FASN: variants seen among roughly 807,000 people sequenced by gnomAD.
The protein encoded by FASN is fatty acid synthase.
Under a neutral mutation model 250.0 loss-of-function variants are expected in FASN, and 50 were observed. The observed-to-expected ratio is 0.20, with a 90% CI of 0.16 to 0.25. FASN has a LOEUF of 0.25. Among genes scored for constraint, FASN ranks in the 10% least tolerant of loss-of-function variants. The pLI, the probability that FASN is intolerant of heterozygous loss-of-function variation, is 1.00. For synonymous variants in FASN, 1,909 were observed against 1,584.0 expected, an observed-to-expected ratio of 1.21 and a Z score of -4.87; for missense variants, 3,031 against 3,498.5, an observed-to-expected ratio of 0.87 and a Z score of 3.37.
chr17:82,089,440 G>T, intron 12 of FASN, 56 bp from the exon 13 acceptor site: 2 of 1,612,202 alleles, frequency 1.2e-6, no homozygotes, highest in Non-Finnish European at 1.7e-6. Flanking sequence ...CCTCAGGCTC[G>T]GAGAGGTAGG....
Position 82,078,863 on chromosome 17 carries a change from C to T in FASN, c.*280G>A, listed in dbSNP as rs943750425. The T allele has an allele frequency of 3.4e-5, 19 of 561,260 alleles. No individual in the cohort carries two copies. Among genetic ancestry groups the T allele is most frequent in the African/African-American group, 5.7e-5 (3 of 53,044 alleles). 34.8% of individuals were successfully genotyped at this position (561,260 alleles called of 1,614,324 possible). A position where few individuals can be genotyped will look rare whatever the true frequency, so the allele number is the denominator to read the frequency against. On this transcript the variant is annotated 3_prime_UTR_variant, in exon 43 of 43. Transcript: ENST00000306749. This position sits in a 1 kb window ranked among gnomAD's most constrained non-coding sequence, Gnocchi z 5.4. Reference sequence around the variant, plus strand: ...AAAGACCAAGCGCAGACCCCACGGGCGCACGAGGCCCAGCCCAGTTCCTGC... The same window carrying T: ...AAAGACCAAGCGCAGACCCCACGGGTGCACGAGGCCCAGCCCAGTTCCTGC...
In FASN at chr17:82,092,800, G is replaced by A; in HGVS notation, c.791C>T (p.Pro264Leu). 1.2e-6 allele frequency: 2 copies of A among 1,600,380 alleles called. No homozygotes were observed. The highest frequency in any genetic ancestry group is 1.7e-6 in the Non-Finnish European group (2 of 1,174,740). ...DGFKEQGVTF[P>L]SGDIQEQLIR... ...GAGCTGCTCCTGGATATCCCCTGAG[G>A]GGAAGGTCACGCCTGCGGAGGGCTC... Residue 264 changes from proline to leucine, a missense_variant, in exon 7 of 43, where the codon CCC becomes CTC. Coordinates refer to ENST00000306749, the MANE Select transcript of FASN (RefSeq NM_004104.5).
At position 82,089,683 on chromosome 17, in the gene FASN, C is replaced by G; in HGVS notation, c.1914G>C (p.Val638=). 1 of 1,590,700 alleles carries G rather than the reference C, an allele frequency of 6.3e-7. No homozygotes were observed. Among genetic ancestry groups the G allele is most frequent in the South Asian group, 1.1e-5 (1 of 88,198 alleles). The change falls in exon 12 of 43, where the codon GTG becomes GTC. Residue 638 remains valine, a synonymous_variant. Transcript: ENST00000306749. ...CCTTGGAGTTGTGGCAGGCGGGCAC[C>G]ACGCCCGGGGGGCAGCGCTGTTTAC... The part of the protein sequence containing the change: ...EECKQRCPPG[V]VPACHNSKDT...
rs1209258553 is a variant in FASN at position 82,087,065 on chromosome 17, G to C, written c.3412C>G (p.Leu1138Val). 1.9e-6 allele frequency: 3 copies of C among 1,611,190 alleles called. No individual in the cohort carries two copies. The highest frequency in any genetic ancestry group is 1.3e-5 in the African/African-American group (1 of 74,892). Residue 1138 changes from leucine (L) to valine (V), a missense_variant, in exon 21 of 43, where the codon CTG (leucine) becomes GTG (valine). Coordinates refer to ENST00000306749, the MANE Select transcript of FASN (RefSeq NM_004104.5). The part of the protein sequence containing the change: ...LSERAALQEE[L>V]QLCKGLVQAL... Reference sequence around the variant, plus strand: ...GGGACCTCACCCTTGCACAGTTGCAGCTCCTCCTGCAGGGCAGCGCGCTCA... The same window carrying C: ...GGGACCTCACCCTTGCACAGTTGCACCTCCTCCTGCAGGGCAGCGCGCTCA...
chr17:82,085,914 T>C (rs950513890), intron 22 of FASN, 43 bp from the exon 23 acceptor site: 23 of 1,489,808 alleles, frequency 1.5e-5, no homozygotes, highest in Non-Finnish European at 2.0e-5. Flanking sequence ...ACCAGGCAGG[T>C]GCCCCTGACC....
rs374640327 is a variant in FASN at position 82,089,226 on chromosome 17, A to G, written c.2100+24T>C. 112 of 1,609,710 alleles carry G rather than the reference A, an allele frequency of 7.0e-5. No individual in the cohort carries two copies. In the East Asian group the frequency reaches 8.9e-4, roughly 13 times the overall value. On this transcript the variant is annotated intron_variant, in intron 13 of 42. Coordinates refer to ENST00000306749, the MANE Select transcript of FASN (RefSeq NM_004104.5). Reference sequence around the variant, plus strand: ...TTGTGGGTCCCCTGGCCCGCCCCGCACCCCCCAGGCCGTATTAGTCCACCT... The same window carrying G: ...TTGTGGGTCCCCTGGCCCGCCCCGCGCCCCCCAGGCCGTATTAGTCCACCT...
At chr17:82,082,820 G>C in intron 33 of FASN, 94 bp downstream of exon 33, 2 of 1,554,216 alleles carry the variant, frequency 1.3e-6, no homozygotes, top group Non-Finnish European at 1.8e-6. Flanking sequence ...CCCAGGCACC[G>C]TGACAGCCCA....
Position 82,092,934 on chromosome 17 carries a change from C to G in FASN, c.741G>C (p.Leu247=), listed in dbSNP as rs1421001719. 2 of 1,608,844 alleles carry G rather than the reference C, an allele frequency of 1.2e-6. No homozygotes were observed. Among genetic ancestry groups the G allele is most frequent in the Admixed American group, 1.7e-5 (1 of 59,562 alleles). Residue 247 remains leucine (L), a synonymous_variant, in exon 6 of 43, where the codon CTG becomes CTC. Coordinates refer to ENST00000306749, the MANE Select transcript of FASN (RefSeq NM_004104.5). The part of the protein sequence containing the change: ...SLARRVYATI[L]NAGTNTDGFK... ...AGCCATCTGTATTGGTGCCGGCGTTCAGGATGGTGGCGTACACCCGCCGGG... is the reference window on the plus strand; with the variant it reads ...AGCCATCTGTATTGGTGCCGGCGTTGAGGATGGTGGCGTACACCCGCCGGG...
rs1206765831 is a variant in FASN, at chr17:82,087,220, A to G, written c.3257T>C (p.Val1086Ala). 20 of 1,607,126 alleles carry G rather than the reference A, an allele frequency of 1.2e-5. No homozygotes were observed. Among genetic ancestry groups the G allele is most frequent in the Non-Finnish European group, 1.7e-5 (20 of 1,178,156 alleles). Residue 1086 changes from valine to alanine, a missense_variant, in exon 21 of 43, where the codon GTC becomes GCC. Val to Ala is a moderately conservative substitution (Grantham distance 64). Coordinates refer to ENST00000306749, the MANE Select transcript of FASN (RefSeq NM_004104.5). Reference protein sequence around the residue: ...ADVVVSRWLRVTVAGGVHISG... With the variant: ...ADVVVSRWLRATVAGGVHISG... ...GATGTGGACGCCTCCGGCCACTGTG[A>G]CCCTCAGCCACCTGCTCACCACCAC...
At chr17:82,096,279 G>T in intron 2 of FASN, 40 bp downstream of exon 2, 1 of 1,608,498 alleles carries the variant, frequency 6.2e-7, no homozygotes. Context: ...TGGAGATGGA[G>T]CTTCACACCC....
Position 82,082,931 on chromosome 17 carries a change from CG to C in FASN, c.5749del (p.Arg1917AlafsTer59). ...RGVQKLVLTS[R>X]SGIRTGYQAK... ...CGACTCACCTGTCCGGATCCCGGAG[CG>C]AGAAGTCAACACGAGCTTCTGCACC... On this transcript the variant is annotated frameshift_variant, in exon 33 of 43. Coordinates refer to ENST00000306749, the MANE Select transcript of FASN (RefSeq NM_004104.5). LOFTEE classifies it high-confidence loss of function. 1 of 1,612,748 alleles carries C rather than the reference CG, an allele frequency of 6.2e-7. No individual in the cohort carries two copies. Among genetic ancestry groups the C allele is most frequent in the Non-Finnish European group, 8.5e-7 (1 of 1,179,962 alleles).
chr17:82,079,600 C>T lies in FASN; in HGVS notation c.7155G>A (p.Glu2385=). The T allele has an allele frequency of 1.2e-6, 2 of 1,600,120 alleles. No homozygotes were observed. Among genetic ancestry groups the T allele is most frequent in the Non-Finnish European group, 1.7e-6 (2 of 1,179,728 alleles). The change falls in exon 42 of 43, where the codon GAG becomes GAA. Residue 2385 remains glutamate, a synonymous_variant. Coordinates refer to ENST00000306749, the MANE Select transcript of FASN (RefSeq NM_004104.5). ...CTAGGCCCTTCAGCGGCAGCAGCGC[C>T]TCCAGCACCTGTGGGGTCGGGCTCT... ...FTDMEHNRVL[E]ALLPLKGLEE... is the part of the protein sequence containing the mutation.
intron 10 of FASN, 106 bp from the exon 11 acceptor site, chr17:82,090,670 C>A: frequency 8.7e-7 from 1 of 1,153,084 alleles, no homozygotes; most frequent in Non-Finnish European, 1.3e-6. Context: ...CCCATCGACC[C>A]TCCCAGGTCT....
Position 82,096,457 on chromosome 17 carries a change from A to C in FASN, c.-7-5T>G. The C allele has an allele frequency of 6.2e-7, 1 of 1,610,674 alleles. No individual in the cohort carries two copies. The highest frequency in any genetic ancestry group is 1.1e-5 in the South Asian group (1 of 91,078). The stretch of plus-strand genomic sequence containing the variant: ...ACCACCTCCTCCATGGCTGCTCTGC[A>C]GGGCGGGCGGTGTGAGTGCCCCACA... On this transcript the variant is annotated splice_polypyrimidine_tract_variant and splice_region_variant and intron_variant, in intron 1 of 42. Transcript: ENST00000306749.
intron 16 of FASN, 29 bp downstream of exon 16, chr17:82,088,361 G>C: frequency 6.2e-7 from 1 of 1,611,264 alleles, no homozygotes; most frequent in Non-Finnish European, 8.5e-7. Flanking sequence ...GGAGGGAAGA[G>C]TCTGCCCACC....
rs1265378677 is a variant in FASN, at chr17:82,090,942, G to A, written c.1620C>T (p.Ser540=). ...FGLKVSQLLL[S]TDESTFDDIV... The stretch of plus-strand genomic sequence containing the variant: ...TGTCATCAAAGGTGCTCTCGTCTGT[G>A]CTCAGCAGCAGCTGTGACACCTTCA... Residue 540 remains serine, a synonymous_variant, in exon 10 of 43, where the codon AGC becomes AGT. Coordinates refer to ENST00000306749, the MANE Select transcript of FASN (RefSeq NM_004104.5). The A allele has an allele frequency of 6.2e-7, 1 of 1,612,618 alleles. No homozygotes were observed. Among genetic ancestry groups the A allele is most frequent in the Non-Finnish European group, 8.5e-7 (1 of 1,179,868 alleles).
Position 82,081,244 on chromosome 17 carries a change from A to G in FASN, c.6515T>C (p.Leu2172Pro), listed in dbSNP as rs1461916856. Residue 2172 changes from leucine (L) to proline (P), a missense_variant, in exon 38 of 43, where the codon CTG becomes CCG. Coordinates refer to ENST00000306749, the MANE Select transcript of FASN (RefSeq NM_004104.5). ...VRQTLERELN[L>P]VLSVREVRQL... ...CCGCACCTCGCGCACGGACAGCACC[A>G]GGTTGAGCTCACGCTCCAGCGTCTG... 1 of 1,587,782 alleles carries G rather than the reference A, an allele frequency of 6.3e-7. No individual in the cohort carries two copies. Among genetic ancestry groups the G allele is most frequent in the Admixed American group, 1.8e-5 (1 of 56,156 alleles).
Position 82,084,721 on chromosome 17 carries a change from G to A in FASN, c.4565-5C>T, listed in dbSNP as rs756991182. On this transcript the variant is annotated splice_polypyrimidine_tract_variant and splice_region_variant and intron_variant, in intron 26 of 42. Transcript: ENST00000306749. ...CCGTCGGCTCCTCAGGCTTGTCTAG[G>A]GAAACAGGGAGGTGGGGCTGCTGCG... is the stretch of plus-strand genomic sequence containing the variant. The A allele has an allele frequency of 1.9e-6, 3 of 1,556,970 alleles. No individual in the cohort carries two copies. The highest frequency in any genetic ancestry group is 2.6e-6 in the Non-Finnish European group (3 of 1,150,562).
Position 82,092,781 on chromosome 17 carries a change from C to G in FASN, c.810G>C (p.Glu270Asp), listed in dbSNP as rs750411892. ...ACTGGTACAACGAGCGGATGAGCTG[C>G]TCCTGGATATCCCCTGAGGGGAAGG... ...GVTFPSGDIQ[E>D]QLIRSLYQSA... The change falls in exon 7 of 43, where the codon GAG (glutamate) becomes GAC (aspartate). Residue 270 changes from glutamate to aspartate, a missense_variant. Physicochemically the swap from Glu to Asp is conservative, Grantham distance 45. Transcript: ENST00000306749. 2 of 1,604,632 alleles carry G rather than the reference C, an allele frequency of 1.2e-6. No individual in the cohort carries two copies. Among genetic ancestry groups the G allele is most frequent in the Non-Finnish European group, 1.7e-6 (2 of 1,176,904 alleles).
Sources: allele counts gnomAD v4.1 joint callset, GRCh38; gene constraint gnomAD v4.1.1; non-coding constraint Gnocchi (gnomAD v3.1); transcripts MANE v1.5; gene names NCBI Gene and HGNC (gene_info 2026-07-23, HGNC 2026-07-21).